Variants in NRG3 observed in about 807,000 individuals in gnomAD.
NRG3 encodes the protein neuregulin 3, also known as pro-neuregulin-3, membrane-bound isoform.
In NRG3, 31 loss-of-function variants were observed where a neutral mutation model predicts 66.9. That is an observed-to-expected ratio of 0.46 (90% CI 0.35 to 0.63). The LOEUF is 0.63. Ranked by LOEUF, NRG3 falls within the 20% of genes least tolerant of loss-of-function variation. The probability of loss-of-function intolerance (pLI) is 0.00; values close to 1 mark genes in which losing one functional copy is unlikely to be tolerated. For missense variants in NRG3, 910 were observed against 878.9 expected (o/e 1.04, Z -0.45); for synonymous variants, 393 against 359.4 (o/e 1.09, Z -1.06).
intron 2 of NRG3, among the ~76,000 whole-genome samples, chr10:82,658,500 T>C (rs2052049627): frequency 6.6e-6 from 1 of 152,104 alleles, no homozygotes; most frequent in South Asian, 2.1e-4. Context: ...AATATGTTCA[T>C]ATTTACCACT....
intron 2 of NRG3, among the ~76,000 whole-genome samples, chr10:82,600,967 CCAGT>C (rs1208349827): frequency 6.6e-6 from 1 of 151,992 alleles, no homozygotes; most frequent in East Asian, 1.9e-4. Context: ...TTTGGAGTCT[CCAGT>C]GTCTGTTGTT....
At chr10:81,998,648 T>C (rs2061040728) in intron 1 of NRG3, among the ~76,000 whole-genome samples, 1 of 152,186 alleles carries the variant, frequency 6.6e-6, no homozygotes, top group Non-Finnish European at 1.5e-5. Flanking sequence ...TGTTATGTGA[T>C]AAAACAACGT....
intron 2 of NRG3, among the ~76,000 whole-genome samples, chr10:82,508,341 T>C (rs1461512184): frequency 6.6e-6 from 1 of 152,186 alleles, no homozygotes; most frequent in Non-Finnish European, 1.5e-5. Context: ...TTTAGCCTGT[T>C]GACACCAAAA....
chr10:82,931,071 T>C (rs1847533321), intron 4 of NRG3, among the ~76,000 whole-genome samples: 1 of 152,052 alleles, frequency 6.6e-6, no homozygotes, highest in Admixed American at 6.6e-5. Context: ...GCCCAGGGCA[T>C]GAAGGACAAG....
Position 82,539,670 on chromosome 10 carries a change from GT to G in NRG3, c.953+180803del, listed in dbSNP as rs1047316146. The stretch of plus-strand genomic sequence containing the variant: ...TTTGTTTTTAATGGAGTCTCGCTTT[GT>G]CCCCCAGGCTGGAGTGCAGTGGCGG... On this transcript the variant is annotated intron_variant, in intron 2 of 8. Transcript: ENST00000372141. Among the ~76,000 whole-genome samples, 73 of 150,568 alleles carry G rather than the reference GT, an allele frequency of 4.8e-4. 1 individual carries two copies. The highest frequency in any genetic ancestry group is 1.0e-4 in the Non-Finnish European group (7 of 67,752).
chr10:82,084,167 G>T (rs1467367534), intron 1 of NRG3, among the ~76,000 whole-genome samples: 1 of 152,044 alleles, frequency 6.6e-6, no homozygotes, highest in Non-Finnish European at 1.5e-5. Context: ...GGCAGAGGTT[G>T]CAGTGAGCCG....
chr10:82,948,683 T>G, intron 4 of NRG3, among the ~76,000 whole-genome samples: 1 of 152,002 alleles, frequency 6.6e-6, no homozygotes, highest in East Asian at 1.9e-4. Flanking sequence ...CTATTGTAAA[T>G]GACATTTTTG....
chr10:82,710,440 G>A (rs1401154687), intron 2 of NRG3, among the ~76,000 whole-genome samples: 5 of 151,872 alleles, frequency 3.3e-5, no homozygotes, highest in South Asian at 2.1e-4. Flanking sequence ...ACAAAAATTA[G>A]CCAGGCGTGG....
chr10:82,531,486 T>C (rs1847256502), intron 2 of NRG3, among the ~76,000 whole-genome samples: 1 of 151,846 alleles, frequency 6.6e-6, no homozygotes, highest in Non-Finnish European at 1.5e-5. Context: ...ATTTTACTTT[T>C]AACATTGTTT....
At chr10:81,934,341 A>C (rs1246171437) in intron 1 of NRG3, among the ~76,000 whole-genome samples, 4 of 152,200 alleles carry the variant, frequency 2.6e-5, no homozygotes, top group Non-Finnish European at 5.9e-5. Flanking sequence ...TTGTTCATTA[A>C]ACACCGTGGT....
At chr10:82,790,060 T>C (rs535016120) in intron 3 of NRG3, among the ~76,000 whole-genome samples, 10 of 152,244 alleles carry the variant, frequency 6.6e-5, no homozygotes, top group Admixed American at 5.9e-4. Context: ...TTATGCATCA[T>C]AATATAATCA....
intron 3 of NRG3, among the ~76,000 whole-genome samples, chr10:82,742,169 C>T (rs1302147966): frequency 6.6e-6 from 1 of 152,050 alleles, no homozygotes; most frequent in African/African-American, 2.4e-5. Flanking sequence ...TCCCTATTAG[C>T]AGGGGGTGAG....
intron 2 of NRG3, among the ~76,000 whole-genome samples, chr10:82,676,901 G>T (rs1164406208): frequency 6.6e-6 from 1 of 151,968 alleles, no homozygotes; most frequent in African/African-American, 2.4e-5. Context: ...TGGGCTCTAG[G>T]TCACTTTGAG....
chr10:82,336,783 A>G (rs2082412421), intron 1 of NRG3, among the ~76,000 whole-genome samples: 1 of 152,064 alleles, frequency 6.6e-6, no homozygotes, highest in Admixed American at 6.5e-5. Flanking sequence ...ATGACCCACA[A>G]GCAGTATAAT....
chr10:82,045,699 A>T (rs2063253895), intron 1 of NRG3, among the ~76,000 whole-genome samples: 1 of 69,946 alleles, frequency 1.4e-5, no homozygotes, highest in Non-Finnish European at 3.3e-5. Flanking sequence ...TTATGGTTTT[A>T]GGTCTAATGT....
chr10:82,959,105 A>G (rs1202947253), intron 6 of NRG3, 30 bp downstream of exon 6: 5 of 1,552,000 alleles, frequency 3.2e-6, no homozygotes, highest in East Asian at 2.3e-5. Context: ...ACCTCCTCCT[A>G]TAGCCTACCT....
chr10:81,974,506 C>T (rs1121444), intron 1 of NRG3, among the ~76,000 whole-genome samples: 69,398 of 151,702 alleles, frequency 0.46, 20,082 homozygotes, highest in African/African-American at 0.78. Context: ...TCTAAAATCC[C>T]CCTCCCCGAT....
Position 82,264,431 on chromosome 10 carries a change from A to G in NRG3, c.824-94308A>G, listed in dbSNP as rs181324699. Among the ~76,000 whole-genome samples the G allele has an allele frequency of 3.9e-5, 6 of 152,244 alleles. No individual in the cohort carries two copies. The East Asian group carries it at 7.8e-4, about 20-fold the overall frequency. On this transcript the variant is annotated intron_variant, in intron 1 of 8. Coordinates refer to ENST00000372141, the MANE Select transcript of NRG3 (RefSeq NM_001010848.4). ...CCCCACTCCCGCCCCGCCCGATTCA[A>G]TTATCTCCACCCGGTCCTGCCCTTG...
chr10:82,151,252 T>C (rs569033689), intron 1 of NRG3, among the ~76,000 whole-genome samples: 1 of 152,334 alleles, frequency 6.6e-6, no homozygotes, highest in East Asian at 1.9e-4. Flanking sequence ...CAGGAGTGAC[T>C]AGGAGTTTGA....
Sources: allele counts gnomAD v4.1 joint callset (sites outside exome capture counted in the v4.1 genomes callset), GRCh38; gene constraint gnomAD v4.1.1; transcripts MANE v1.5; gene names NCBI Gene and HGNC (gene_info 2026-07-23, HGNC 2026-07-21).